The following GRID2IP variants were observed in gnomAD, a reference collection of about 807,000 sequenced individuals.
GRID2IP encodes the protein Grid2 interacting protein, also known as delphilin.
GRID2IP carries 78 observed loss-of-function variants against 114.3 expected under a neutral mutation model. That is an observed-to-expected ratio of 0.68 (90% CI 0.57 to 0.82). The LOEUF is 0.82. GRID2IP is among the 40% of genes least tolerant of loss of function. GRID2IP has a pLI of 0.00. For synonymous variants in GRID2IP, 809 were observed against 724.0 expected, an observed-to-expected ratio of 1.12 and a Z score of -1.89; for missense variants, 1,727 against 1,678.5, an observed-to-expected ratio of 1.03 and a Z score of -0.51.
chr7:6,538,631 A>G (rs1779767529), intron 2 of GRID2IP, among the ~76,000 whole-genome samples: 1 of 152,116 alleles, frequency 6.6e-6, no homozygotes, highest in African/African-American at 2.4e-5. Context: ...TAATCCACAC[A>G]CTTTGGGAGG....
chr7:6,542,029 C>T (rs117541653), intron 1 of GRID2IP, among the ~76,000 whole-genome samples: 9,877 of 152,120 alleles, frequency 0.065, 499 homozygotes, highest in Non-Finnish European at 0.1. Flanking sequence ...CAGCCAGGCG[C>T]GGTGGCTCAC....
intron 16 of GRID2IP, 35 bp downstream of exon 16, chr7:6,503,456 G>A: frequency 6.7e-7 from 1 of 1,485,130 alleles, no homozygotes. Context: ...TGTGGAGCCG[G>A]CCGAGGCCTC....
rs1350997976 is a variant in GRID2IP at position 6,521,953 on chromosome 7, G to A, written c.924C>T (p.Ser308=). 1.9e-6 allele frequency: 3 copies of A among 1,551,128 alleles called. No homozygotes were observed. The Admixed American group carries it at 5.9e-5, about 30-fold the overall frequency. The change falls in exon 5 of 22, where the codon AGC becomes AGT. Residue 308 remains serine (S), a synonymous_variant. Transcript: ENST00000457091. This position sits in a 1 kb window ranked among gnomAD's most constrained non-coding sequence, Gnocchi z 4.1. ...ACTTGAGGGCAGCATTGTCAGCTGG[G>A]CTCCCTGGAAGCAAGAAGAGAGGGT... is the stretch of plus-strand genomic sequence containing the variant. The part of the protein sequence containing the change: ...PVWIESVLPG[S]PADNAALKSG...
intron 8 of GRID2IP, among the ~76,000 whole-genome samples, chr7:6,511,531 C>G (rs981245735): frequency 2.0e-5 from 3 of 151,988 alleles, no homozygotes; most frequent in African/African-American, 7.2e-5. Context: ...CGTCACCATG[C>G]CTGGCTAATT....
chr7:6,536,492 G>A lies in GRID2IP; in HGVS notation c.584+3226C>T, dbSNP rs1583351496. 6.6e-6 allele frequency among the ~76,000 whole-genome samples: 1 copy of A among 152,282 alleles called. No homozygotes were observed. Among genetic ancestry groups the A allele is most frequent in the Middle Eastern group, 3.4e-3 (1 of 292 alleles). ...CGGCGGCTGGGAAAGGCGGGCATGG[G>A]GCTGTCCCGGGGGGCAGGCGGGCTG... is the stretch of plus-strand genomic sequence containing the variant. On this transcript the variant is annotated intron_variant, in intron 2 of 21. Transcript: ENST00000457091. The surrounding 1 kb of genome is among the most constrained non-coding windows in gnomAD (Gnocchi z 5.3).
chr7:6,528,955 C>G lies in GRID2IP; in HGVS notation c.585-2186G>C, dbSNP rs1779566499. Among the ~76,000 whole-genome samples the G allele has an allele frequency of 6.6e-6, 1 of 152,152 alleles. No individual in the cohort carries two copies. The highest frequency in any genetic ancestry group is 2.4e-5 in the African/African-American group (1 of 41,420). On this transcript the variant is annotated intron_variant, in intron 2 of 21. Coordinates refer to ENST00000457091, the MANE Select transcript of GRID2IP (RefSeq NM_001145118.2). The surrounding 1 kb of genome is among the most constrained non-coding windows in gnomAD (Gnocchi z 6.0). ...GAGCCTGACCGCTCCATCTGCCAGG[C>G]CTGCACATTCCCTAGCGCCTCCCAG...
rs530515112 is a variant in GRID2IP, at chr7:6,505,904, C to T, written c.2548G>A (p.Gly850Arg). 69 of 1,550,318 alleles carry T rather than the reference C, an allele frequency of 4.5e-5. No individual in the cohort carries two copies. The highest frequency in any genetic ancestry group is 2.4e-4 in the Admixed American group (12 of 51,006). Residue 850 changes from glycine (G) to arginine (R), a missense_variant, in exon 14 of 22, where the codon GGG becomes AGG. By Grantham distance (125) the Gly-to-Arg change is moderately radical (BLOSUM62 -2). Coordinates refer to ENST00000457091, the MANE Select transcript of GRID2IP (RefSeq NM_001145118.2). ...AGCTTATCGTAGTCAGAGTCTTCCC[C>T]GAGCTGCGAGGGAGGATGGGAGGTT... ...NSEGTIWGQL[G>R]EDSDYDKLSD...
At chr7:6,500,022 C>A (rs1245809241) in intron 20 of GRID2IP, among the ~76,000 whole-genome samples, 1 of 151,964 alleles carries the variant, frequency 6.6e-6, no homozygotes, top group Non-Finnish European at 1.5e-5. Context: ...TGAGCCACTG[C>A]ACCTGGCCCA....
intron 4 of GRID2IP, among the ~76,000 whole-genome samples, chr7:6,524,372 G>A (rs1424185526): frequency 1.3e-5 from 2 of 152,296 alleles, no homozygotes; most frequent in Middle Eastern, 3.4e-3. Flanking sequence ...GGGAGGGGAC[G>A]GATGCAGGAC....
At chr7:6,542,076 C>T (rs566703806) in intron 1 of GRID2IP, among the ~76,000 whole-genome samples, 3 of 151,850 alleles carry the variant, frequency 2.0e-5, no homozygotes, top group East Asian at 3.9e-4. Flanking sequence ...CCAAGGGGGG[C>T]GGATCATCTG....
chr7:6,507,835 G>A lies in GRID2IP; in HGVS notation c.2544+150C>T. On this transcript the variant is annotated intron_variant, in intron 13 of 21. Coordinates refer to ENST00000457091, the MANE Select transcript of GRID2IP (RefSeq NM_001145118.2). This position sits in a 1 kb window ranked among gnomAD's most constrained non-coding sequence, Gnocchi z 5.3. ...TGCCTGCAGTGGCCCCCAAGCGTGG[G>A]GACGTTCTTGGGCTGGGCCTCTACT... 1 of 1,262,732 alleles carries A rather than the reference G, an allele frequency of 7.9e-7. No homozygotes were observed. Among genetic ancestry groups the A allele is most frequent in the South Asian group, 1.6e-5 (1 of 62,990 alleles). 78.2% of individuals were successfully genotyped at this position (1,262,732 alleles called of 1,614,324 possible).
intron 1 of GRID2IP, among the ~76,000 whole-genome samples, chr7:6,545,331 T>C (rs1583355599): frequency 6.6e-6 from 1 of 152,014 alleles, no homozygotes; most frequent in East Asian, 1.9e-4. Context: ...AGCTGCTCAT[T>C]CTCCTCCCTT....
chr7:6,519,797 CA>C lies in GRID2IP; in HGVS notation c.1268+780del, dbSNP rs1779379091. On this transcript the variant is annotated intron_variant, in intron 7 of 21. Coordinates refer to ENST00000457091, the MANE Select transcript of GRID2IP (RefSeq NM_001145118.2). This position sits in a 1 kb window ranked among gnomAD's most constrained non-coding sequence, Gnocchi z 4.1. ...AAAATAAAAAACCCTTCAAACAAAA[CA>C]AAAAGGTATGGACAAGTGACAGGCT... Among the ~76,000 whole-genome samples the C allele has an allele frequency of 1.3e-5, 2 of 152,090 alleles. No homozygotes were observed. The highest frequency in any genetic ancestry group is 6.6e-5 in the Admixed American group (1 of 15,246).
chr7:6,525,869 T>C (rs964071977), intron 4 of GRID2IP, among the ~76,000 whole-genome samples: 4 of 152,240 alleles, frequency 2.6e-5, no homozygotes, highest in Non-Finnish European at 5.9e-5. Context: ...AGCTCAGTCC[T>C]GGCTGCCCCA....
chr7:6,539,703 C>A lies in GRID2IP; in HGVS notation c.584+15G>T. ...ACCCACCCTGCCTGTCTATCCTGCC[C>A]CCTGCCCGCAGTACCTGAGGTTGTC... On this transcript the variant is annotated intron_variant, in intron 2 of 21. Coordinates refer to ENST00000457091, the MANE Select transcript of GRID2IP (RefSeq NM_001145118.2). 6.5e-7 allele frequency: 1 copy of A among 1,540,516 alleles called. No individual in the cohort carries two copies. The highest frequency in any genetic ancestry group is 8.8e-7 in the Non-Finnish European group (1 of 1,141,544).
At chr7:6,538,597 G>A (rs1394362701) in intron 2 of GRID2IP, among the ~76,000 whole-genome samples, 1 of 151,744 alleles carries the variant, frequency 6.6e-6, no homozygotes, top group African/African-American at 2.4e-5. Flanking sequence ...AAGTAATCAG[G>A]CCGGGTACAG....
chr7:6,546,460 T>C (rs777700335), intron 1 of GRID2IP, among the ~76,000 whole-genome samples: 1 of 151,246 alleles, frequency 6.6e-6, no homozygotes, highest in African/African-American at 2.4e-5. Flanking sequence ...TCCCAGCTTC[T>C]TGGGAGGCTG....
rs1199835125 is a variant in GRID2IP, at chr7:6,528,346, G to A, written c.585-1577C>T. Among the ~76,000 whole-genome samples the A allele has an allele frequency of 6.6e-6, 1 of 152,166 alleles. No individual in the cohort carries two copies. Among genetic ancestry groups the A allele is most frequent in the African/African-American group, 2.4e-5 (1 of 41,438 alleles). On this transcript the variant is annotated intron_variant, in intron 2 of 21. Transcript: ENST00000457091. The surrounding 1 kb of genome is among the most constrained non-coding windows in gnomAD (Gnocchi z 6.0). ...TAATGGCAGCAGTTAACATCCTGATGGACTCTCCGGTCTGTGGCAGAGGAT... is the reference window on the plus strand; with the variant it reads ...TAATGGCAGCAGTTAACATCCTGATAGACTCTCCGGTCTGTGGCAGAGGAT...
intron 2 of GRID2IP, among the ~76,000 whole-genome samples, chr7:6,531,848 G>C (rs550494100): frequency 1.2e-4 from 18 of 152,312 alleles, no homozygotes; most frequent in African/African-American, 3.6e-4. Flanking sequence ...TGACCCAGAG[G>C]GGGGTGTTGG....
Sources: gnomAD v4.1 joint callset for allele counts (sites outside exome capture counted in the v4.1 genomes callset) on GRCh38, gnomAD v4.1.1 for gene constraint, Gnocchi (gnomAD v3.1) non-coding constraint, MANE v1.5 for transcripts, NCBI Gene and HGNC (gene_info 2026-07-23, HGNC 2026-07-21) for gene names.